The following AFF2 variants were observed in gnomAD, a reference collection of about 807,000 sequenced individuals.
AFF2 encodes ALF transcription elongation factor 2.
AFF2 carries 14 observed loss-of-function variants against 76.9 expected under a neutral mutation model. The observed-to-expected ratio is 0.18, with a 90% CI of 0.12 to 0.28. The LOEUF is 0.28. Among genes scored for constraint, AFF2 ranks in the 10% least tolerant of loss-of-function variants. The probability of loss-of-function intolerance (pLI) is 1.00; values close to 1 mark genes in which losing one functional copy is unlikely to be tolerated. For synonymous variants in AFF2, 398 were observed against 366.7 expected, an observed-to-expected ratio of 1.09 and a Z score of -0.98; for missense variants, 868 against 1,001.1, an observed-to-expected ratio of 0.87 and a Z score of 1.79.
intron 9 of AFF2, among the ~76,000 whole-genome samples, chrX:148,916,100 C>T (rs782248229): frequency 2.7e-5 from 3 of 110,422 alleles, no homozygotes; most frequent in Non-Finnish European, 3.8e-5. Context: ...GTGCACAGCC[C>T]GTTGGGAGAT....
chrX:148,545,644 C>T (rs193172196), intron 1 of AFF2, among the ~76,000 whole-genome samples: 3 of 111,014 alleles, frequency 2.7e-5, no homozygotes, highest in Non-Finnish European at 5.7e-5. Context: ...TTTTCCCCCT[C>T]AAAAGTGTGC....
intron 1 of AFF2, among the ~76,000 whole-genome samples, chrX:148,593,397 G>C (rs1557246903): frequency 8.9e-6 from 1 of 111,976 alleles, no homozygotes; most frequent in African/African-American, 3.3e-5. Flanking sequence ...CCTAGTGTTA[G>C]AATCACCCAG....
intron 7 of AFF2, among the ~76,000 whole-genome samples, chrX:148,853,243 A>G (rs1387087782): frequency 9.0e-6 from 1 of 111,217 alleles, no homozygotes; most frequent in Non-Finnish European, 1.9e-5. Flanking sequence ...CACATAATAT[A>G]TATTGTTATA....
chrX:148,502,611 TA>T (rs782674021), intron 1 of AFF2, among the ~76,000 whole-genome samples: 25 of 112,798 alleles, frequency 2.2e-4, no homozygotes, highest in African/African-American at 8.0e-4. Context: ...AAAATTACTA[TA>T]AAATTATTGC....
At chrX:148,584,764 C>G in intron 1 of AFF2, among the ~76,000 whole-genome samples, 1 of 110,243 alleles carries the variant, frequency 9.1e-6, no homozygotes, top group South Asian at 3.9e-4. Flanking sequence ...TCCCGATCTT[C>G]TCCTGACCTC....
intron 3 of AFF2, among the ~76,000 whole-genome samples, chrX:148,707,033 A>G (rs782099980): frequency 1.5e-3 from 166 of 111,957 alleles, no homozygotes; most frequent in African/African-American, 5.3e-3. Flanking sequence ...GGACCCATTT[A>G]CTAGATTGAA....
Position 148,710,619 on chromosome X carries a change from C to T in AFF2, c.1041+47851C>T, listed in dbSNP as rs182458606. On this transcript the variant is annotated intron_variant, in intron 3 of 20. Transcript: ENST00000370460. ...TATTTCCAAAATTTTACTTTTTTGTCACCTGAAACAAAAAGTCTAATATAA... is the reference window on the plus strand; with the variant it reads ...TATTTCCAAAATTTTACTTTTTTGTTACCTGAAACAAAAAGTCTAATATAA... Among the ~76,000 whole-genome samples the T allele has an allele frequency of 4.5e-5, 5 of 111,608 alleles. 1 individual carries two copies. The highest frequency in any genetic ancestry group is 1.6e-4 in the African/African-American group (5 of 30,803).
chrX:148,980,661 C>A, intron 18 of AFF2, 77 bp from the exon 19 acceptor site: 1 of 838,251 alleles, frequency 1.2e-6, no homozygotes, highest in Non-Finnish European at 1.7e-6. Flanking sequence ...CTCTAAATCA[C>A]ACTTCCATCT....
Position 148,955,911 on chromosome X carries a change from T to C in AFF2, c.1866T>C (p.Ser622=), listed in dbSNP as rs201939574. 2.3e-5 allele frequency: 28 copies of C among 1,208,961 alleles called. No homozygotes were observed. The highest frequency in any genetic ancestry group is 3.5e-5 in the African/African-American group (2 of 56,827). ...HKLSTTSETV[S]QRTIGKKQPK... ...TGTCAACAACTAGTGAGACAGTGTCTCAAAGGACAATTGGGAAAAAACAGC... is the reference window on the plus strand; with the variant it reads ...TGTCAACAACTAGTGAGACAGTGTCCCAAAGGACAATTGGGAAAAAACAGC... Residue 622 remains serine (S), a synonymous_variant, in exon 11 of 21, where the codon TCT becomes TCC. Coordinates refer to ENST00000370460, the MANE Select transcript of AFF2 (RefSeq NM_002025.4).
intron 7 of AFF2, among the ~76,000 whole-genome samples, chrX:148,868,059 A>C (rs1557276993): frequency 9.0e-6 from 1 of 111,115 alleles, no homozygotes; most frequent in African/African-American, 3.3e-5. Context: ...GTCACCAAGC[A>C]CCTACTACAA....
intron 1 of AFF2, among the ~76,000 whole-genome samples, chrX:148,581,628 G>A (rs113905268): frequency 0.029 from 2,707 of 94,844 alleles, 430 homozygotes; most frequent in African/African-American, 0.14. Flanking sequence ...ATACGTATAC[G>A]TATACGTGTA....
chrX:148,788,119 C>T (rs1275410516), intron 3 of AFF2, among the ~76,000 whole-genome samples: 1 of 111,648 alleles, frequency 9.0e-6, no homozygotes, highest in Non-Finnish European at 1.9e-5. Context: ...CTATATCTCC[C>T]TACTAAGCTC....
At chrX:148,506,579 A>ATT (rs1360392688) in intron 1 of AFF2, among the ~76,000 whole-genome samples, 1 of 110,190 alleles carries the variant, frequency 9.1e-6, no homozygotes, top group Non-Finnish European at 1.9e-5. Context: ...AGAATGGAAA[A>ATT]TTATATATAT....
chrX:148,528,946 T>G lies in AFF2; in HGVS notation c.47+27802T>G, dbSNP rs781974433. 9.0e-5 allele frequency among the ~76,000 whole-genome samples: 10 copies of G among 111,467 alleles called. No individual in the cohort carries two copies. In the South Asian group the frequency reaches 3.8e-3, roughly 42 times the overall value. On this transcript the variant is annotated intron_variant, in intron 1 of 20. Transcript: ENST00000370460. ...TCTTTCAGGTCATTAAAGTAAAAAT[T>G]TTGATTTAATGCGGATAAGTTATTT...
chrX:148,561,375 G>A (rs1271862711), intron 1 of AFF2, among the ~76,000 whole-genome samples: 2 of 111,807 alleles, frequency 1.8e-5, no homozygotes, highest in African/African-American at 6.5e-5. Flanking sequence ...TGCTAAATGG[G>A]TAATGATAAA....
rs1557280048 is a variant in AFF2 at position 148,893,952 on chromosome X, T to G, written c.1359+7967T>G. On this transcript the variant is annotated intron_variant, in intron 8 of 20. Transcript: ENST00000370460. Reference sequence around the variant, plus strand: ...TCTTCACTCAAACCCCACCCTCTGTTTGGTCCAAGCACATTCTTTTCCTTA... The same window carrying G: ...TCTTCACTCAAACCCCACCCTCTGTGTGGTCCAAGCACATTCTTTTCCTTA... Among the ~76,000 whole-genome samples, 4 of 111,276 alleles carry G rather than the reference T, an allele frequency of 3.6e-5. No homozygotes were observed. In the South Asian group the frequency reaches 1.5e-3, roughly 42 times the overall value.
intron 3 of AFF2, among the ~76,000 whole-genome samples, chrX:148,786,598 A>G (rs2069823810): frequency 9.0e-6 from 1 of 110,729 alleles, no homozygotes; most frequent in South Asian, 3.7e-4. Context: ...ACATTTCTAC[A>G]TTTTATAAGG....
chrX:148,726,857 A>C (rs1367821329), intron 3 of AFF2, among the ~76,000 whole-genome samples: 10 of 111,161 alleles, frequency 9.0e-5, no homozygotes, highest in Non-Finnish European at 1.7e-4. Flanking sequence ...GGGCACACAC[A>C]AGAAACACAA....
At chrX:148,718,088 A>T (rs2055048172) in intron 3 of AFF2, among the ~76,000 whole-genome samples, 1 of 109,207 alleles carries the variant, frequency 9.2e-6, no homozygotes, top group African/African-American at 3.3e-5. Context: ...AGGAGTGTGG[A>T]CTTACCTTTT....
Sources: gnomAD v4.1 joint callset for allele counts (sites outside exome capture counted in the v4.1 genomes callset) on GRCh38, gnomAD v4.1.1 for gene constraint, MANE v1.5 for transcripts, NCBI Gene and HGNC (gene_info 2026-07-23, HGNC 2026-07-21) for gene names.